Variants in SYT6 observed in about 807,000 individuals in gnomAD.
SYT6 encodes synaptotagmin-6.
SYT6 carries 24 observed loss-of-function variants against 38.4 expected under a neutral mutation model. That is an observed-to-expected ratio of 0.62 (90% CI 0.45 to 0.88). The LOEUF (loss-of-function observed/expected upper bound fraction) is 0.88, where lower values mean the gene tolerates loss of function less well. SYT6 is among the 40% of genes least tolerant of loss of function. The pLI is 0.00. For missense variants in SYT6, 611 were observed against 621.0 expected (o/e 0.98, Z 0.17); for synonymous variants, 265 against 241.9 (o/e 1.10, Z -0.89).
At chr1:114,116,463 G>A (rs1414531832) in intron 3 of SYT6, among the ~76,000 whole-genome samples, 2 of 152,142 alleles carry the variant, frequency 1.3e-5, no homozygotes, top group Admixed American at 1.3e-4. Context: ...TTGAGCCAGT[G>A]AAGTGTTTCC....
At chr1:114,131,398 G>A (rs1229729713) in intron 3 of SYT6, among the ~76,000 whole-genome samples, 1 of 152,098 alleles carries the variant, frequency 6.6e-6, no homozygotes, top group Admixed American at 6.5e-5. Context: ...ACATAGCCTG[G>A]CCTAAAACTT....
chr1:114,141,879 A>T (rs1406886592), intron 1 of SYT6, among the ~76,000 whole-genome samples: 1 of 152,234 alleles, frequency 6.6e-6, no homozygotes, highest in Non-Finnish European at 1.5e-5. Flanking sequence ...AAATGGAAAA[A>T]CAAAACCTGG....
Position 114,139,623 on chromosome 1 carries a change from T to A in SYT6, c.504A>T (p.Ser168=). The part of the protein sequence containing the change: ...RLQRQTTEPA[S]STRHTSFKRH... ...AGTGGTCCACTCCTCACCTGGTGGA[T>A]GACGCTGGCTCTGTAGTTTGCCGCT... is the stretch of plus-strand genomic sequence containing the variant. The change falls in exon 2 of 8, where the codon TCA becomes TCT. Residue 168 remains serine, a synonymous_variant. Coordinates refer to ENST00000610222, the MANE Select transcript of SYT6 (RefSeq NM_001253772.2). 1 of 1,614,062 alleles carries A rather than the reference T, an allele frequency of 6.2e-7. No homozygotes were observed. The highest frequency in any genetic ancestry group is 8.5e-7 in the Non-Finnish European group (1 of 1,180,002).
chr1:114,141,941 T>G (rs1678888083), intron 1 of SYT6, among the ~76,000 whole-genome samples: 1 of 152,260 alleles, frequency 6.6e-6, no homozygotes, highest in South Asian at 2.1e-4. Context: ...AAGCCCACTG[T>G]TGAGACTTAC....
chr1:114,114,351 C>T (rs1676866524), intron 3 of SYT6, among the ~76,000 whole-genome samples: 1 of 152,216 alleles, frequency 6.6e-6, no homozygotes, highest in Admixed American at 6.5e-5. Context: ...AGCACGGTGC[C>T]TGGTGTATAA....
chr1:114,128,153 C>T (rs1422223725), intron 3 of SYT6, among the ~76,000 whole-genome samples: 1 of 152,236 alleles, frequency 6.6e-6, no homozygotes, highest in East Asian at 1.9e-4. Context: ...CCCAGGCCCC[C>T]AGACTCAGGC....
Position 114,139,419 on chromosome 1 carries a change from C to T in SYT6, c.512+196G>A, listed in dbSNP as rs544103893. On this transcript the variant is annotated intron_variant, in intron 2 of 7. Transcript: ENST00000610222. ...ATACAGCAACCCGCCTCAAAGGTTT[C>T]CCTTTCATGAAGTCTTTCCTGGTGC... Among the ~76,000 whole-genome samples, 4 of 152,332 alleles carry T rather than the reference C, an allele frequency of 2.6e-5. No individual in the cohort carries two copies. The East Asian group carries it at 5.8e-4, about 22-fold the overall frequency.
intron 1 of SYT6, among the ~76,000 whole-genome samples, chr1:114,147,919 T>C (rs1679238145): frequency 6.6e-6 from 1 of 152,190 alleles, no homozygotes; most frequent in Non-Finnish European, 1.5e-5. Context: ...TGACTGTGTA[T>C]ACAGAACAGA....
At chr1:114,134,145 G>A (rs1449936787) in intron 3 of SYT6, among the ~76,000 whole-genome samples, 1 of 152,164 alleles carries the variant, frequency 6.6e-6, no homozygotes, top group Non-Finnish European at 1.5e-5. Context: ...CAGCATGCGG[G>A]TCACAGGCTC....
intron 3 of SYT6, among the ~76,000 whole-genome samples, chr1:114,136,662 T>C (rs568303272): frequency 6.6e-6 from 1 of 152,000 alleles, no homozygotes; most frequent in East Asian, 1.9e-4. Flanking sequence ...TTCCAGCTGG[T>C]TGCAAACAGC....
intron 2 of SYT6, among the ~76,000 whole-genome samples, chr1:114,138,846 G>C (rs1054112138): frequency 6.6e-6 from 1 of 152,170 alleles, no homozygotes. Context: ...ACTTGCCCAA[G>C]GCCATATGAC....
intron 7 of SYT6, among the ~76,000 whole-genome samples, chr1:114,092,783 A>G (rs999419019): frequency 6.6e-6 from 1 of 152,298 alleles, no homozygotes. Context: ...GGCTGGGTGG[A>G]CTTGAACCAT....
intron 1 of SYT6, among the ~76,000 whole-genome samples, chr1:114,143,524 A>G: frequency 6.8e-6 from 1 of 147,642 alleles, no homozygotes; most frequent in South Asian, 2.1e-4. Flanking sequence ...TTATATGTGT[A>G]TATATACATA....
At chr1:114,143,679 T>C (rs1423199964) in intron 1 of SYT6, among the ~76,000 whole-genome samples, 1 of 152,054 alleles carries the variant, frequency 6.6e-6, no homozygotes, top group East Asian at 1.9e-4. Context: ...GAACCTACAA[T>C]ATCTCCAAGG....
chr1:114,123,033 T>G (rs1437470647), intron 3 of SYT6, among the ~76,000 whole-genome samples: 2 of 152,220 alleles, frequency 1.3e-5, no homozygotes, highest in Admixed American at 6.5e-5. Context: ...CTGTTCCGCG[T>G]GCCCTCCTTC....
At chr1:114,135,863 T>C (rs1347727091) in intron 3 of SYT6, among the ~76,000 whole-genome samples, 1 of 152,192 alleles carries the variant, frequency 6.6e-6, no homozygotes, top group Non-Finnish European at 1.5e-5. Flanking sequence ...TTTCTCTACC[T>C]GTCCAGTTAC....
intron 6 of SYT6, among the ~76,000 whole-genome samples, chr1:114,096,702 C>T (rs978293534): frequency 1.3e-5 from 2 of 152,142 alleles, no homozygotes; most frequent in African/African-American, 4.8e-5. Flanking sequence ...GGGGATGACT[C>T]TGTTTTGAAG....
At position 114,099,138 on chromosome 1, in the gene SYT6, GTT is replaced by G; in HGVS notation, c.1318_1319del (p.Asn440HisfsTer14). 1 of 1,614,112 alleles carries G rather than the reference GTT, an allele frequency of 6.2e-7. No homozygotes were observed. The highest frequency in any genetic ancestry group is 8.5e-7 in the Non-Finnish European group (1 of 1,179,954). On this transcript the variant is annotated frameshift_variant, in exon 5 of 8. Transcript: ENST00000610222. LOFTEE classifies it high-confidence loss of function. ...EAIIFDIPPE[N>X]MDQVSLLISV... Reference sequence around the variant, plus strand: ...AGATGAGCAGGCTGACTTGATCCATGTTTTCCGGGGGAATGTCAAAGATGATG... The same window carrying G: ...AGATGAGCAGGCTGACTTGATCCATGTTCCGGGGGAATGTCAAAGATGATG...
chr1:114,122,632 C>A (rs149170013), intron 3 of SYT6, among the ~76,000 whole-genome samples: 7 of 152,284 alleles, frequency 4.6e-5, no homozygotes, highest in African/African-American at 1.7e-4. Flanking sequence ...CAGAGAGGAG[C>A]GCAGCCAGAG....
Sources: allele counts gnomAD v4.1 joint callset (sites outside exome capture counted in the v4.1 genomes callset), GRCh38; gene constraint gnomAD v4.1.1; transcripts MANE v1.5; gene names NCBI Gene and HGNC (gene_info 2026-07-23, HGNC 2026-07-21).